The following KSR2 variants were observed in gnomAD, a reference collection of about 807,000 sequenced individuals.
KSR2 encodes kinase suppressor of ras 2.
KSR2 carries 25 observed loss-of-function variants against 107.8 expected under a neutral mutation model. The observed-to-expected ratio is 0.23, with a 90% CI of 0.17 to 0.32. KSR2 has a LOEUF of 0.32. KSR2 is among the 10% of genes least tolerant of loss of function. KSR2 has a pLI of 1.00. For missense variants in KSR2, 887 were observed against 1,268.9 expected (o/e 0.70, Z 4.57); for synonymous variants, 480 against 507.0 (o/e 0.95, Z 0.71).
At chr12:117,764,262 A>G (rs1889147517) in intron 3 of KSR2, among the ~76,000 whole-genome samples, 1 of 151,894 alleles carries the variant, frequency 6.6e-6, no homozygotes, top group Non-Finnish European at 1.5e-5. Context: ...TTTAAGGAAA[A>G]AAAAATTCCA....
intron 3 of KSR2, among the ~76,000 whole-genome samples, chr12:117,802,867 T>G (rs1199263045): frequency 6.6e-6 from 1 of 152,188 alleles, no homozygotes; most frequent in African/African-American, 2.4e-5. Flanking sequence ...ATTCTTCATA[T>G]AAAAGTGAAG....
intron 1 of KSR2, among the ~76,000 whole-genome samples, chr12:117,886,090 C>T (rs1416516358): frequency 1.4e-5 from 2 of 145,858 alleles, no homozygotes; most frequent in East Asian, 2.0e-4. Flanking sequence ...ACTGAGACTC[C>T]GTCTCAAAAA....
At chr12:117,890,162 A>G (rs555573049) in intron 1 of KSR2, among the ~76,000 whole-genome samples, 16 of 152,352 alleles carry the variant, frequency 1.1e-4, no homozygotes, top group African/African-American at 3.8e-4. Context: ...GTATTGGATC[A>G]TCCTCGAAAA....
Position 117,906,117 on chromosome 12 carries a change from G to A in KSR2, c.181-45686C>T, listed in dbSNP as rs554179702. On this transcript the variant is annotated intron_variant, in intron 1 of 19. Transcript: ENST00000339824. ...TGTAATCCCAGCACTTCGGGAGGCCGAGGCGGGCAGATCACCAGAGGTCAG... is the reference window on the plus strand; with the variant it reads ...TGTAATCCCAGCACTTCGGGAGGCCAAGGCGGGCAGATCACCAGAGGTCAG... Among the ~76,000 whole-genome samples the A allele has an allele frequency of 6.6e-5, 10 of 152,074 alleles. No homozygotes were observed. In the East Asian group the frequency reaches 7.7e-4, roughly 12 times the overall value.
intron 1 of KSR2, among the ~76,000 whole-genome samples, chr12:117,947,187 A>AAAG (rs1346063076): frequency 0.018 from 1,857 of 102,284 alleles, 36 homozygotes; most frequent in Non-Finnish European, 0.024. Context: ...AGAAAGAAAG[A>AAAG]AAAGAAAGAA....
Position 117,761,105 on chromosome 12 carries a change from G to A in KSR2, c.892C>T (p.Leu298=), listed in dbSNP as rs1300877806. The A allele has an allele frequency of 6.2e-7, 1 of 1,613,696 alleles. No individual in the cohort carries two copies. Among genetic ancestry groups the A allele is most frequent in the Non-Finnish European group, 8.5e-7 (1 of 1,179,700 alleles). ...PGTPPPSSRK[L]IHLIPGFTAL... ...GTGAATCCCGGGATCAAGTGTATCAGTTTTCGGGAGGAGGGCGGTGGGGTC... is the reference window on the plus strand; with the variant it reads ...GTGAATCCCGGGATCAAGTGTATCAATTTTCGGGAGGAGGGCGGTGGGGTC... The change falls in exon 4 of 20, where the codon CTG becomes TTG. Residue 298 remains leucine (L), a synonymous_variant. Transcript: ENST00000339824.
intron 1 of KSR2, among the ~76,000 whole-genome samples, chr12:117,951,280 T>G (rs914142128): frequency 6.6e-6 from 1 of 152,168 alleles, no homozygotes; most frequent in African/African-American, 2.4e-5. Flanking sequence ...AGCTTAGGTT[T>G]TAAGCATATT....
chr12:117,617,349 T>C (rs549858292), intron 5 of KSR2, among the ~76,000 whole-genome samples: 2 of 152,346 alleles, frequency 1.3e-5, no homozygotes, highest in South Asian at 4.1e-4. Context: ...AACCCACGTA[T>C]TGAATTCTTC....
chr12:117,614,963 A>G (rs1881793092), intron 5 of KSR2, among the ~76,000 whole-genome samples: 1 of 152,048 alleles, frequency 6.6e-6, no homozygotes, highest in Non-Finnish European at 1.5e-5. Flanking sequence ...GTTGAGGGAA[A>G]AAAACTGTCT....
chr12:117,816,911 A>G (rs147951201), intron 3 of KSR2, among the ~76,000 whole-genome samples: 165 of 152,278 alleles, frequency 1.1e-3, no homozygotes, highest in African/African-American at 3.7e-3. Context: ...ATTCCAACCC[A>G]GTGCTGTTTG....
chr12:117,676,146 G>A (rs1437749393), intron 4 of KSR2, among the ~76,000 whole-genome samples: 2 of 152,196 alleles, frequency 1.3e-5, no homozygotes, highest in Admixed American at 1.3e-4. Context: ...GTTTGGAAAA[G>A]CAAAGCCCCA....
intron 10 of KSR2, 136 bp from the exon 11 acceptor site, chr12:117,531,843 C>A: frequency 1.7e-6 from 1 of 591,024 alleles, no homozygotes. Flanking sequence ...GCAGACATCC[C>A]TGCAGACAAG....
intron 12 of KSR2, among the ~76,000 whole-genome samples, chr12:117,530,153 T>C (rs981662963): frequency 6.6e-6 from 1 of 152,226 alleles, no homozygotes; most frequent in East Asian, 1.9e-4. Context: ...GGGTCATAAC[T>C]ATGTAAAATA....
chr12:117,717,712 T>TGTGTGCGCGCGC (rs1209120329), intron 4 of KSR2, among the ~76,000 whole-genome samples: 6 of 137,060 alleles, frequency 4.4e-5, no homozygotes, highest in African/African-American at 1.6e-4. Flanking sequence ...TGTGTGTGTG[T>TGTGTGCGCGCGC]GCATGCGCGC....
chr12:117,888,668 A>C (rs1332260767), intron 1 of KSR2, among the ~76,000 whole-genome samples: 1 of 152,246 alleles, frequency 6.6e-6, no homozygotes, highest in Non-Finnish European at 1.5e-5. Context: ...TAGAGCCCTC[A>C]CCAGAACCTG....
At chr12:117,936,781 C>A (rs1028542542) in intron 1 of KSR2, among the ~76,000 whole-genome samples, 3 of 152,112 alleles carry the variant, frequency 2.0e-5, no homozygotes. Flanking sequence ...GGGCTCTTAG[C>A]CTGTTTTGCT....
chr12:117,815,960 G>T lies in KSR2; in HGVS notation c.472+39468C>A, dbSNP rs146271094. ...ACTTCACTCCAGCCTGGACAACAGA[G>T]CAAAACTCTGTCTCAAAAAAAAAAA... On this transcript the variant is annotated intron_variant, in intron 3 of 19. Transcript: ENST00000339824. Among the ~76,000 whole-genome samples, 438 of 146,150 alleles carry T rather than the reference G, an allele frequency of 3.0e-3. 8 individuals carry two copies. The highest frequency in any genetic ancestry group is 0.022 in the East Asian group (108 of 4,900).
chr12:117,579,143 A>C lies in KSR2; in HGVS notation c.1301T>G (p.Phe434Cys). 6.2e-7 allele frequency: 1 copy of C among 1,613,744 alleles called. No individual in the cohort carries two copies. The highest frequency in any genetic ancestry group is 8.5e-7 in the Non-Finnish European group (1 of 1,179,812). Residue 434 changes from phenylalanine (F) to cysteine (C), a missense_variant, in exon 7 of 20, where the codon TTT (phenylalanine) becomes TGT (cysteine). Physicochemically the swap from Phe to Cys is radical, Grantham distance 205 (BLOSUM62 -2). Transcript: ENST00000339824. The part of the protein sequence containing the change: ...TCTVCGKGML[F>C]GLKCKNCKLK... ...CTTGCAGTTTTTACACTTGAGGCCAAAAAGCATCCCTTTCCCACAGACTGT... is the reference window on the plus strand; with the variant it reads ...CTTGCAGTTTTTACACTTGAGGCCACAAAGCATCCCTTTCCCACAGACTGT...
At chr12:117,608,083 CATTGGAGCAAACG>C (rs1881395451) in intron 5 of KSR2, among the ~76,000 whole-genome samples, 1 of 152,242 alleles carries the variant, frequency 6.6e-6, no homozygotes, top group Non-Finnish European at 1.5e-5. Context: ...GGCAGCAAGG[CATTGGAGCAAACG>C]ATTAAGGCTT....
Sources: gnomAD v4.1 joint callset for allele counts (sites outside exome capture counted in the v4.1 genomes callset) on GRCh38, gnomAD v4.1.1 for gene constraint, MANE v1.5 for transcripts, NCBI Gene and HGNC (gene_info 2026-07-23, HGNC 2026-07-21) for gene names.